Variants in SLC5A4 observed in about 807,000 individuals in gnomAD.
The protein encoded by SLC5A4 is solute carrier family 5 member 4, also known as probable glucose sensor protein SLC5A4.
SLC5A4 carries 55 observed loss-of-function variants against 70.3 expected under a neutral mutation model. That is an observed-to-expected ratio of 0.78 (90% CI 0.63 to 0.98). SLC5A4 has a LOEUF of 0.98. SLC5A4 is among the 50% of genes least tolerant of loss of function. The pLI is 0.00. For synonymous variants in SLC5A4, 268 were observed against 305.7 expected (o/e 0.88, Z 1.29); for missense variants, 735 against 839.2 (o/e 0.88, Z 1.53).
At chr22:32,225,392 G>C (rs1925330985) in intron 12 of SLC5A4, among the ~76,000 whole-genome samples, 1 of 152,184 alleles carries the variant, frequency 6.6e-6, no homozygotes, top group African/African-American at 2.4e-5. Context: ...GGCCCTGGCA[G>C]TCTGCCTCCC....
chr22:32,326,859 G>A, the SLC5A4 span, among the ~76,000 whole-genome samples: 2 of 152,306 alleles, frequency 1.3e-5, no homozygotes, highest in East Asian at 3.9e-4. Flanking sequence ...GGCCACGGGA[G>A]CAGAGGTCGG....
intron 11 of SLC5A4, among the ~76,000 whole-genome samples, chr22:32,227,471 C>T (rs922594618): frequency 6.6e-6 from 1 of 152,162 alleles, no homozygotes; most frequent in Non-Finnish European, 1.5e-5. Flanking sequence ...TTACTGTCAC[C>T]AACAAAGTAC....
the SLC5A4 span, among the ~76,000 whole-genome samples, chr22:32,324,293 G>GTATATA: frequency 7.2e-6 from 1 of 138,610 alleles, no homozygotes; most frequent in Non-Finnish European, 1.6e-5. Context: ...ACATATATAC[G>GTATATA]TATATATACT....
At chr22:32,242,491 C>T (rs1385432364) in intron 5 of SLC5A4, among the ~76,000 whole-genome samples, 2 of 152,102 alleles carry the variant, frequency 1.3e-5, no homozygotes, top group African/African-American at 2.4e-5. Context: ...GGGCAGATCA[C>T]GAGATCAGGA....
chr22:32,331,109 TTG>T, the SLC5A4 span, among the ~76,000 whole-genome samples: 1 of 115,180 alleles, frequency 8.7e-6, no homozygotes, highest in Non-Finnish European at 1.8e-5. Context: ...TTGGAGGCTC[TTG>T]TGTGTGTTCG....
chr22:32,223,344 T>A (rs1381873176), intron 13 of SLC5A4, among the ~76,000 whole-genome samples: 1 of 152,194 alleles, frequency 6.6e-6, no homozygotes, highest in Non-Finnish European at 1.5e-5. Flanking sequence ...TCATAAGTAT[T>A]TATCCATAAA....
At chr22:32,288,223 G>A in the SLC5A4 span, among the ~76,000 whole-genome samples, 2 of 152,268 alleles carry the variant, frequency 1.3e-5, no homozygotes, top group Non-Finnish European at 2.9e-5. Context: ...GAAAGTGAGA[G>A]TATGTTCTAC....
chr22:32,342,019 G>A, the SLC5A4 span, among the ~76,000 whole-genome samples: 1 of 152,222 alleles, frequency 6.6e-6, no homozygotes, highest in African/African-American at 2.4e-5. Context: ...TCCCCAGGCA[G>A]ACCGTAAGCT....
the SLC5A4 span, among the ~76,000 whole-genome samples, chr22:32,318,622 C>CCTA: frequency 1.3e-5 from 2 of 152,222 alleles, no homozygotes; most frequent in African/African-American, 4.8e-5. Flanking sequence ...CTCCACCACT[C>CCTA]CTACTGTGGT....
At chr22:32,324,818 C>T in the SLC5A4 span, among the ~76,000 whole-genome samples, 2 of 152,236 alleles carry the variant, frequency 1.3e-5, no homozygotes, top group Non-Finnish European at 2.9e-5. Context: ...AGGGCTATCA[C>T]TCCTGTGGAC....
the SLC5A4 span, among the ~76,000 whole-genome samples, chr22:32,262,768 T>G: frequency 6.6e-6 from 1 of 151,462 alleles, no homozygotes; most frequent in Non-Finnish European, 1.5e-5. Context: ...ACATTTTTAT[T>G]TTTATTTTTA....
the SLC5A4 span, among the ~76,000 whole-genome samples, chr22:32,278,647 A>T: frequency 6.6e-6 from 1 of 152,238 alleles, no homozygotes; most frequent in Admixed American, 6.5e-5. Context: ...TTTAAAAAAT[A>T]CTATATTCAA....
At chr22:32,331,302 ACACGTG>A in the SLC5A4 span, among the ~76,000 whole-genome samples, 1 of 151,818 alleles carries the variant, frequency 6.6e-6, no homozygotes, top group South Asian at 2.1e-4. Flanking sequence ...TTGACTTTGG[ACACGTG>A]CTTTGGCCTC....
the SLC5A4 span, among the ~76,000 whole-genome samples, chr22:32,334,143 A>AAC: frequency 7.0e-6 from 1 of 143,350 alleles, no homozygotes; most frequent in Admixed American, 6.9e-5. Context: ...CATGCCAGAC[A>AAC]ACACACACAC....
chr22:32,246,984 T>C (rs1603234520), intron 5 of SLC5A4, among the ~76,000 whole-genome samples: 1 of 152,340 alleles, frequency 6.6e-6, no homozygotes, highest in East Asian at 1.9e-4. Flanking sequence ...GGTTCACGTG[T>C]CAGATAATAA....
At chr22:32,272,238 G>A in the SLC5A4 span, 11 of 781,276 alleles carry the variant, frequency 1.4e-5, no homozygotes, top group East Asian at 2.5e-4. Flanking sequence ...TGTGACTGAG[G>A]TGGTGCCCGA....
the SLC5A4 span, among the ~76,000 whole-genome samples, chr22:32,267,675 C>T: frequency 6.6e-6 from 1 of 152,162 alleles, no homozygotes; most frequent in Non-Finnish European, 1.5e-5. Flanking sequence ...ACATCATTTA[C>T]ATTCTCTATT....
chr22:32,346,338 A>G, the SLC5A4 span, among the ~76,000 whole-genome samples: 2 of 152,230 alleles, frequency 1.3e-5, no homozygotes, highest in African/African-American at 2.4e-5. Context: ...CTTTCTTCAC[A>G]GAATTGGAAA....
At chr22:32,310,054 TGGGGAGG>T in the SLC5A4 span, among the ~76,000 whole-genome samples, 3 of 10,706 alleles carry the variant, frequency 2.8e-4, no homozygotes, top group African/African-American at 1.1e-3. Flanking sequence ...GGCAGCGGGG[TGGGGAGG>T]GGGGAGGGAG....
Sources: allele counts gnomAD v4.1 joint callset (sites outside exome capture counted in the v4.1 genomes callset), GRCh38; gene constraint gnomAD v4.1.1; transcripts MANE v1.5; gene names NCBI Gene and HGNC (gene_info 2026-07-23, HGNC 2026-07-21).